The following IL1RAPL2 variants were observed in gnomAD, a reference collection of about 807,000 sequenced individuals.
The protein encoded by IL1RAPL2 is X-linked interleukin-1 receptor accessory protein-like 2.
Under a neutral mutation model 44.1 loss-of-function variants are expected in IL1RAPL2, and 3 were observed. The observed-to-expected ratio is 0.07, with a 90% CI of 0.03 to 0.18. The LOEUF (loss-of-function observed/expected upper bound fraction) is 0.18, where lower values mean the gene tolerates loss of function less well. Among genes scored for constraint, IL1RAPL2 ranks in the 10% least tolerant of loss-of-function variants. The pLI is 1.00. For synonymous variants in IL1RAPL2, 181 were observed against 178.8 expected (o/e 1.01, Z -0.10); for missense variants, 391 against 496.4 (o/e 0.79, Z 2.02).
chrX:104,716,099 G>A (rs979269766), intron 2 of IL1RAPL2, among the ~76,000 whole-genome samples: 1 of 111,181 alleles, frequency 9.0e-6, no homozygotes, highest in Non-Finnish European at 1.9e-5. Flanking sequence ...ATAGTCCAAT[G>A]GAAGAGAATA....
intron 6 of IL1RAPL2, among the ~76,000 whole-genome samples, chrX:105,660,568 C>A (rs761668846): frequency 2.7e-5 from 3 of 111,195 alleles, no homozygotes; most frequent in African/African-American, 9.8e-5. Flanking sequence ...ATAACCATAA[C>A]AACTTTCCAA....
At chrX:105,683,601 T>G (rs185329720) in intron 6 of IL1RAPL2, among the ~76,000 whole-genome samples, 19 of 110,826 alleles carry the variant, frequency 1.7e-4, no homozygotes, top group Non-Finnish European at 3.0e-4. Context: ...ACAAAGAGAT[T>G]TGAAGAGTAA....
intron 2 of IL1RAPL2, among the ~76,000 whole-genome samples, chrX:104,895,747 C>T (rs770992128): frequency 2.7e-5 from 3 of 111,878 alleles, no homozygotes; most frequent in Non-Finnish European, 5.6e-5. Context: ...TAAGGCAGTG[C>T]CTCACCCTGC....
At chrX:104,733,284 G>A (rs1375359512) in intron 2 of IL1RAPL2, among the ~76,000 whole-genome samples, 3 of 111,192 alleles carry the variant, frequency 2.7e-5, no homozygotes, top group Non-Finnish European at 5.7e-5. Flanking sequence ...TGATTGTCTT[G>A]ATATAAATTT....
chrX:105,097,330 C>CAAAAAAAAAAAAAAAAAAAAAAAAAA (rs201390547), intron 2 of IL1RAPL2, among the ~76,000 whole-genome samples: 2 of 43,199 alleles, frequency 4.6e-5, no homozygotes, highest in African/African-American at 2.1e-4. Context: ...CAGTGTCAGA[C>CAAAAAAAAAAAAAAAAAAAAAAAAAA]AAAAAAAAAA....
rs186848297 is a variant in IL1RAPL2 at position 105,204,539 on chromosome X, C to T, written c.356+8791C>T. 3.9e-3 allele frequency among the ~76,000 whole-genome samples: 431 copies of T among 111,748 alleles called. 4 individuals carry two copies. Among genetic ancestry groups the T allele is most frequent in the African/African-American group, 0.013 (398 of 30,776 alleles). On this transcript the variant is annotated intron_variant, in intron 3 of 10. Transcript: ENST00000372582. ...ACTAATATTGTGCCTATCACTATGG[C>T]GAACCCAAGAGAAAATTATGACACA...
At chrX:104,672,923 C>T (rs1180339946) in intron 2 of IL1RAPL2, among the ~76,000 whole-genome samples, 48 of 111,567 alleles carry the variant, frequency 4.3e-4, no homozygotes, top group East Asian at 3.7e-3. Flanking sequence ...TCATGTCCTT[C>T]GCCCACTTTT....
intron 5 of IL1RAPL2, among the ~76,000 whole-genome samples, chrX:105,353,732 TTGTC>T (rs1334238625): frequency 4.5e-5 from 5 of 111,480 alleles, no homozygotes; most frequent in Middle Eastern, 4.7e-3. Flanking sequence ...GGCTCTGTGT[TTGTC>T]TGTTATTGGT....
chrX:105,012,358 A>G (rs2031062679), intron 2 of IL1RAPL2, among the ~76,000 whole-genome samples: 1 of 110,478 alleles, frequency 9.1e-6, no homozygotes, highest in Non-Finnish European at 1.9e-5. Flanking sequence ...AATGGAATGA[A>G]ATACAATTCT....
intron 3 of IL1RAPL2, chrX:105,219,538 G>T (rs1488127746): frequency 8.3e-6 from 10 of 1,206,582 alleles, no homozygotes; most frequent in Non-Finnish European, 1.1e-5. Context: ...CTCCATGGGG[G>T]CAGCCCCAGC....
At chrX:105,383,685 G>A (rs1010213796) in intron 5 of IL1RAPL2, among the ~76,000 whole-genome samples, 25 of 112,142 alleles carry the variant, frequency 2.2e-4, no homozygotes, top group Admixed American at 2.0e-3. Flanking sequence ...AGGAACTGCC[G>A]TACTGTTTTC....
intron 6 of IL1RAPL2, among the ~76,000 whole-genome samples, chrX:105,653,943 TTGTGTGTGTG>T (rs956918547): frequency 9.1e-6 from 1 of 110,285 alleles, no homozygotes; most frequent in Non-Finnish European, 1.9e-5. Flanking sequence ...CAAAGTGTGG[TTGTGTGTGTG>T]TGTCTGTGTA....
At chrX:104,939,359 A>G (rs1245378515) in intron 2 of IL1RAPL2, among the ~76,000 whole-genome samples, 1 of 111,775 alleles carries the variant, frequency 8.9e-6, no homozygotes, top group Non-Finnish European at 1.9e-5. Context: ...GCTGGGCCAC[A>G]TGTTAGCATT....
chrX:104,616,071 G>T (rs994643617), intron 1 of IL1RAPL2, among the ~76,000 whole-genome samples: 1 of 111,983 alleles, frequency 8.9e-6, no homozygotes, highest in Non-Finnish European at 1.9e-5. Context: ...TTTTAATGGG[G>T]TTGCTTTTTT....
At chrX:105,287,710 T>C (rs2034581816) in intron 5 of IL1RAPL2, among the ~76,000 whole-genome samples, 1 of 111,292 alleles carries the variant, frequency 9.0e-6, no homozygotes, top group Non-Finnish European at 1.9e-5. Flanking sequence ...ATGGCTTAGA[T>C]GTGGAGTATC....
intron 1 of IL1RAPL2, among the ~76,000 whole-genome samples, chrX:104,585,158 T>TAC (rs1310861992): frequency 9.3e-5 from 7 of 74,885 alleles, no homozygotes; most frequent in South Asian, 1.2e-3. Context: ...CACATATATA[T>TAC]ACACACATAT....
intron 2 of IL1RAPL2, among the ~76,000 whole-genome samples, chrX:104,847,989 CTGTT>C (rs1922103946): frequency 9.1e-6 from 1 of 110,354 alleles, no homozygotes; most frequent in South Asian, 3.9e-4. Flanking sequence ...ATTTGGCTCT[CTGTT>C]TGTCTGTTAT....
At chrX:104,664,036 G>A (rs1229513892) in intron 2 of IL1RAPL2, among the ~76,000 whole-genome samples, 1 of 110,436 alleles carries the variant, frequency 9.1e-6, no homozygotes, top group Non-Finnish European at 1.9e-5. Context: ...GAATGGCTAA[G>A]CAAATAATGG....
At chrX:104,966,311 A>G (rs1158552733) in intron 2 of IL1RAPL2, among the ~76,000 whole-genome samples, 1 of 111,774 alleles carries the variant, frequency 8.9e-6, no homozygotes, top group East Asian at 2.8e-4. Context: ...TTGTTAGATT[A>G]GACTTTTAAA....
Sources: allele counts gnomAD v4.1 joint callset (sites outside exome capture counted in the v4.1 genomes callset), GRCh38; gene constraint gnomAD v4.1.1; transcripts MANE v1.5; gene names NCBI Gene and HGNC (gene_info 2026-07-23, HGNC 2026-07-21).